The following SLC24A2 variants were observed in gnomAD, a reference collection of about 807,000 sequenced individuals.
The protein encoded by SLC24A2 is solute carrier family 24 member 2, also known as sodium/potassium/calcium exchanger 2.
Under a neutral mutation model 62.0 loss-of-function variants are expected in SLC24A2, and 36 were observed. The observed-to-expected ratio is 0.58, with a 90% CI of 0.44 to 0.77. SLC24A2 has a LOEUF of 0.77. SLC24A2 is among the 30% of genes least tolerant of loss of function. SLC24A2 has a pLI of 0.00. For synonymous variants in SLC24A2, 358 were observed against 294.0 expected (o/e 1.22, Z -2.23); for missense variants, 846 against 817.9 (o/e 1.03, Z -0.42).
chr9:20,038,483 G>A, the SLC24A2 span, among the ~76,000 whole-genome samples: 2 of 152,164 alleles, frequency 1.3e-5, no homozygotes, highest in Non-Finnish European at 1.5e-5. Context: ...ACTCAACGCA[G>A]TGCTCTCTGC....
the SLC24A2 span, among the ~76,000 whole-genome samples, chr9:20,246,028 G>A: frequency 6.6e-6 from 1 of 152,182 alleles, no homozygotes; most frequent in African/African-American, 2.4e-5. Flanking sequence ...TATGTATACT[G>A]TTCACAGAGA....
chr9:19,998,273 C>G, the SLC24A2 span, among the ~76,000 whole-genome samples: 5 of 152,086 alleles, frequency 3.3e-5, no homozygotes, highest in Non-Finnish European at 7.3e-5. Context: ...AATGGGTCTT[C>G]CATTCAGACC....
intron 2 of SLC24A2, among the ~76,000 whole-genome samples, chr9:19,713,203 G>A (rs373918822): frequency 1.1e-3 from 165 of 152,108 alleles, no homozygotes; most frequent in African/African-American, 3.1e-3. Flanking sequence ...ATTGGTAGAT[G>A]CTTTATAAAT....
intron 2 of SLC24A2, among the ~76,000 whole-genome samples, chr9:19,693,773 G>A (rs924340860): frequency 2.0e-5 from 3 of 151,954 alleles, no homozygotes; most frequent in Admixed American, 6.6e-5. Flanking sequence ...GGTGATTTCC[G>A]AGGCACTCTT....
At chr9:20,157,481 C>G in the SLC24A2 span, among the ~76,000 whole-genome samples, 1 of 151,616 alleles carries the variant, frequency 6.6e-6, no homozygotes, top group African/African-American at 2.4e-5. Context: ...GAAAACCACC[C>G]TCGGAAAGAT....
chr9:19,815,948 A>C, the SLC24A2 span, among the ~76,000 whole-genome samples: 1 of 94,990 alleles, frequency 1.1e-5, no homozygotes, highest in Non-Finnish European at 2.3e-5. Context: ...TTATCCATGT[A>C]TTTTTTGCCC....
chr9:19,788,106 G>A (rs1823227426), intron 1 of SLC24A2, among the ~76,000 whole-genome samples: 1 of 152,176 alleles, frequency 6.6e-6, no homozygotes. Flanking sequence ...TGTAAAATAA[G>A]CTAATTAAAC....
At chr9:20,254,911 ATG>A in the SLC24A2 span, among the ~76,000 whole-genome samples, 2 of 152,208 alleles carry the variant, frequency 1.3e-5, no homozygotes, top group Non-Finnish European at 2.9e-5. Context: ...GGCAAGAGGC[ATG>A]TGTGTGGAAA....
chr9:19,554,483 G>A (rs1372185284), intron 7 of SLC24A2, among the ~76,000 whole-genome samples: 1 of 152,188 alleles, frequency 6.6e-6, no homozygotes, highest in African/African-American at 2.4e-5. Context: ...TAACCTTGGG[G>A]ATCTTGGAAC....
chr9:20,261,774 C>T, the SLC24A2 span, among the ~76,000 whole-genome samples: 1 of 115,012 alleles, frequency 8.7e-6, no homozygotes, highest in Non-Finnish European at 1.6e-5. Context: ...GAGTCTCGCT[C>T]TGTCACTCAG....
the SLC24A2 span, among the ~76,000 whole-genome samples, chr9:20,062,081 T>C: frequency 6.6e-6 from 1 of 151,862 alleles, no homozygotes; most frequent in Non-Finnish European, 1.5e-5. Context: ...AAAAAGAAAA[T>C]ACCCAGGCGT....
the SLC24A2 span, among the ~76,000 whole-genome samples, chr9:20,304,111 G>C: frequency 1.3e-5 from 2 of 152,172 alleles, no homozygotes; most frequent in African/African-American, 4.8e-5. Context: ...TGATTAAAGA[G>C]GCTAGCTTCA....
chr9:19,682,531 A>C (rs1232087936), intron 2 of SLC24A2, among the ~76,000 whole-genome samples: 3 of 152,104 alleles, frequency 2.0e-5, no homozygotes, highest in Non-Finnish European at 2.9e-5. Context: ...GGAACATCTC[A>C]ATCTCTGTGG....
rs139051203 is a variant in SLC24A2, at chr9:19,713,275, G to A, written c.930+72662C>T. Among the ~76,000 whole-genome samples, 366 of 152,188 alleles carry A rather than the reference G, an allele frequency of 2.4e-3. 1 individual carries two copies. The highest frequency in any genetic ancestry group is 4.5e-3 in the Non-Finnish European group (305 of 68,008). On this transcript the variant is annotated intron_variant, in intron 2 of 10. Transcript: ENST00000341998. ...CATTTGTAAAGTCAAAAGAGAGACA[G>A]GAAGTTTGCATTCTGGGAGAATGGA...
the SLC24A2 span, among the ~76,000 whole-genome samples, chr9:19,799,191 T>C: frequency 2.0e-5 from 3 of 152,170 alleles, no homozygotes; most frequent in Non-Finnish European, 4.4e-5. Context: ...TTTCCCCTAC[T>C]ATCTCATTTC....
the SLC24A2 span, among the ~76,000 whole-genome samples, chr9:20,307,236 A>C: frequency 6.6e-6 from 1 of 152,200 alleles, no homozygotes; most frequent in Non-Finnish European, 1.5e-5. Flanking sequence ...GCTGTTTGCC[A>C]CCTCTTTCTC....
At chr9:19,907,039 A>T in the SLC24A2 span, among the ~76,000 whole-genome samples, 1 of 152,196 alleles carries the variant, frequency 6.6e-6, no homozygotes, top group Non-Finnish European at 1.5e-5. Flanking sequence ...AGAATTTTAG[A>T]CCAATATCCC....
At chr9:20,187,401 C>T in the SLC24A2 span, among the ~76,000 whole-genome samples, 1 of 152,154 alleles carries the variant, frequency 6.6e-6, no homozygotes, top group East Asian at 1.9e-4. Context: ...TTCCTGACCC[C>T]CCGTTGCTTA....
the SLC24A2 span, among the ~76,000 whole-genome samples, chr9:19,964,206 C>T: frequency 1.8e-5 from 2 of 111,372 alleles, no homozygotes; most frequent in African/African-American, 3.7e-5. Flanking sequence ...ACATCACACT[C>T]TGGGGACTGT....
Sources: gnomAD v4.1 joint callset for allele counts (sites outside exome capture counted in the v4.1 genomes callset) on GRCh38, gnomAD v4.1.1 for gene constraint, MANE v1.5 for transcripts, NCBI Gene and HGNC (gene_info 2026-07-23, HGNC 2026-07-21) for gene names.